Variants in MPPED1 observed in about 807,000 individuals in gnomAD.
MPPED1 encodes metallophosphoesterase domain containing 1.
Under a neutral mutation model 36.2 loss-of-function variants are expected in MPPED1, and 16 were observed. The observed-to-expected ratio is 0.44, with a 90% CI of 0.30 to 0.67. The LOEUF is 0.67. MPPED1 is among the 30% of genes least tolerant of loss of function. The pLI is 0.10. For missense variants in MPPED1, 307 were observed against 453.4 expected, an observed-to-expected ratio of 0.68 and a Z score of 2.93; for synonymous variants, 199 against 191.3, an observed-to-expected ratio of 1.04 and a Z score of -0.33.
intron 4 of MPPED1, among the ~76,000 whole-genome samples, chr22:43,480,409 T>C (rs1324822990): frequency 2.0e-5 from 3 of 152,248 alleles, no homozygotes; most frequent in African/African-American, 7.2e-5. Context: ...TGTGTGCTGG[T>C]GCAGTGTCTC....
intron 3 of MPPED1, among the ~76,000 whole-genome samples, chr22:43,466,911 G>A (rs368013242): frequency 6.6e-6 from 1 of 152,184 alleles, no homozygotes; most frequent in Non-Finnish European, 1.5e-5. Context: ...GCCAGGCATG[G>A]TGGAGCGTGG....
intron 3 of MPPED1, among the ~76,000 whole-genome samples, chr22:43,458,119 G>C (rs1930819028): frequency 6.6e-6 from 1 of 152,146 alleles, no homozygotes; most frequent in Non-Finnish European, 1.5e-5. Context: ...GTATGATCTA[G>C]GTTTGCGTAA....
intron 4 of MPPED1, among the ~76,000 whole-genome samples, chr22:43,495,527 G>GTACTAGTAA (rs1932265983): frequency 7.6e-6 from 1 of 131,436 alleles, no homozygotes; most frequent in Non-Finnish European, 1.7e-5. Flanking sequence ...GGTGGAGGTG[G>GTACTAGTAA]TGGTGGTGGA....
In MPPED1 at chr22:43,424,975, G is replaced by A. The variant is rs201549160; in HGVS notation, c.-11G>A. 3.2e-4 allele frequency: 500 copies of A among 1,573,592 alleles called. No homozygotes were observed. In the African/African-American group the frequency reaches 5.5e-3, roughly 17 times the overall value. ...AGCGGTGGGAGATGCCGGGGCGGCCGGCGGAGGTCCATGTGGCGCTCTAGG... is the reference window on the plus strand; with the variant it reads ...AGCGGTGGGAGATGCCGGGGCGGCCAGCGGAGGTCCATGTGGCGCTCTAGG... On this transcript the variant is annotated 5_prime_UTR_variant, in exon 2 of 7. Transcript: ENST00000443721.
At chr22:43,442,247 G>C (rs183700977) in intron 3 of MPPED1, among the ~76,000 whole-genome samples, 1 of 152,016 alleles carries the variant, frequency 6.6e-6, no homozygotes, top group Non-Finnish European at 1.5e-5. Context: ...CCTGCAGCTT[G>C]TGCAAGTCCC....
chr22:43,467,036 G>A (rs1047460046), intron 3 of MPPED1, among the ~76,000 whole-genome samples: 4 of 152,202 alleles, frequency 2.6e-5, no homozygotes, highest in Admixed American at 6.5e-5. Flanking sequence ...TAGGTACAGC[G>A]TGGGGCTCAC....
At chr22:43,489,130 G>T (rs1168781555) in intron 4 of MPPED1, among the ~76,000 whole-genome samples, 1 of 152,164 alleles carries the variant, frequency 6.6e-6, no homozygotes, top group Non-Finnish European at 1.5e-5. Flanking sequence ...CACGGTGGTT[G>T]ATCCCACCTG....
intron 3 of MPPED1, among the ~76,000 whole-genome samples, chr22:43,473,820 C>T (rs948131259): frequency 9.9e-5 from 15 of 152,160 alleles, no homozygotes; most frequent in Admixed American, 8.5e-4. Context: ...GAAACCAGCC[C>T]CCAGCCAGTC....
intron 1 of MPPED1, among the ~76,000 whole-genome samples, chr22:43,423,594 T>A (rs1391334628): frequency 6.6e-6 from 1 of 152,224 alleles, no homozygotes; most frequent in Admixed American, 6.5e-5. Context: ...TCTAGGGAGA[T>A]GATCAAGATT....
intron 4 of MPPED1, among the ~76,000 whole-genome samples, chr22:43,478,550 C>T (rs1931646664): frequency 6.6e-6 from 1 of 152,088 alleles, no homozygotes; most frequent in East Asian, 1.9e-4. Flanking sequence ...ATACAGGCAG[C>T]TAAGTGCAGC....
chr22:43,464,524 T>A (rs1460017514), intron 3 of MPPED1, among the ~76,000 whole-genome samples: 1 of 152,178 alleles, frequency 6.6e-6, no homozygotes, highest in African/African-American at 2.4e-5. Context: ...CTTGCCTCGA[T>A]GTTCCCTAAA....
At chr22:43,460,584 T>C (rs1930923945) in intron 3 of MPPED1, among the ~76,000 whole-genome samples, 2 of 152,170 alleles carry the variant, frequency 1.3e-5, no homozygotes, top group African/African-American at 4.8e-5. Context: ...ATTTAGTGAA[T>C]GTCCTGGAAA....
chr22:43,474,259 G>T lies in MPPED1; in HGVS notation c.407-477G>T, dbSNP rs115555281. Among the ~76,000 whole-genome samples the T allele has an allele frequency of 6.6e-6, 1 of 152,196 alleles. No individual in the cohort carries two copies. The highest frequency in any genetic ancestry group is 1.5e-5 in the Non-Finnish European group (1 of 68,036). ...ACTAGTCCAGACAGAAGAAACTGAG[G>T]CAGAGAAGTCCCAGGATGAGGCCAG... On this transcript the variant is annotated intron_variant, in intron 3 of 6. Transcript: ENST00000443721. This position sits in a 1 kb window ranked among gnomAD's most constrained non-coding sequence, Gnocchi z 5.2.
chr22:43,424,222 G>A (rs577259572), intron 1 of MPPED1, among the ~76,000 whole-genome samples: 1 of 152,318 alleles, frequency 6.6e-6, no homozygotes, highest in Admixed American at 6.5e-5. Flanking sequence ...AGGCATCGGA[G>A]GAGGTTTTTG....
intron 3 of MPPED1, among the ~76,000 whole-genome samples, chr22:43,463,695 A>G (rs566493050): frequency 5.3e-5 from 8 of 152,224 alleles, no homozygotes; most frequent in Admixed American, 5.2e-4. Context: ...GATGTCAATG[A>G]TATAGTTTAA....
At chr22:43,417,843 G>T (rs1929128664) in intron 1 of MPPED1, 7 of 339,398 alleles carry the variant, frequency 2.1e-5, no homozygotes, top group South Asian at 1.6e-4. Flanking sequence ...CTATTCAGTC[G>T]CTCCTACTCT....
chr22:43,438,000 AAG>A (rs1930022064), intron 3 of MPPED1, among the ~76,000 whole-genome samples: 2 of 152,108 alleles, frequency 1.3e-5, no homozygotes, highest in South Asian at 4.1e-4. Flanking sequence ...CACAGAGAAA[AAG>A]AGACTGGAAA....
At chr22:43,481,827 C>G (rs1931758618) in intron 4 of MPPED1, among the ~76,000 whole-genome samples, 1 of 152,222 alleles carries the variant, frequency 6.6e-6, no homozygotes, top group Non-Finnish European at 1.5e-5. Flanking sequence ...CCTGCCCTCC[C>G]CAGCAAGGGT....
chr22:43,441,347 C>T (rs1930141731), intron 3 of MPPED1, among the ~76,000 whole-genome samples: 1 of 152,180 alleles, frequency 6.6e-6, no homozygotes, highest in South Asian at 2.1e-4. Flanking sequence ...CCACTGTCCC[C>T]TCTGCCCACT....
Sources: allele counts gnomAD v4.1 joint callset (sites outside exome capture counted in the v4.1 genomes callset), GRCh38; gene constraint gnomAD v4.1.1; non-coding constraint Gnocchi (gnomAD v3.1); transcripts MANE v1.5; gene names NCBI Gene and HGNC (gene_info 2026-07-23, HGNC 2026-07-21).